COL15A1: variants seen among roughly 807,000 people sequenced by gnomAD.
COL15A1 encodes the protein collagen alpha-1(XV) chain.
COL15A1 carries 111 observed loss-of-function variants against 165.9 expected under a neutral mutation model. That is an observed-to-expected ratio of 0.67 (90% confidence interval 0.57 to 0.78). COL15A1 has a LOEUF of 0.78. Ranked by LOEUF, COL15A1 falls within the 30% of genes least tolerant of loss-of-function variation. The probability of loss-of-function intolerance (pLI) is 0.00; values close to 1 mark genes in which losing one functional copy is unlikely to be tolerated. For synonymous variants in COL15A1, 659 were observed against 674.8 expected (o/e 0.98, Z 0.36); for missense variants, 1,745 against 1,789.7 (o/e 0.98, Z 0.45).
chr9:99,001,422 C>G (rs1201271881), intron 7 of COL15A1, among the ~76,000 whole-genome samples: 1 of 152,118 alleles, frequency 6.6e-6, no homozygotes, highest in Non-Finnish European at 1.5e-5. Flanking sequence ...TCACAATGGC[C>G]CCTGCTGAAA....
chr9:99,026,845 T>C (rs969812226), intron 16 of COL15A1, among the ~76,000 whole-genome samples: 6 of 152,198 alleles, frequency 3.9e-5, no homozygotes, highest in Non-Finnish European at 7.3e-5. Context: ...CCAGTGACAC[T>C]AAAGGTGTTA....
At chr9:99,031,511 G>A (rs1839212772) in intron 16 of COL15A1, among the ~76,000 whole-genome samples, 1 of 152,216 alleles carries the variant, frequency 6.6e-6, no homozygotes, top group Non-Finnish European at 1.5e-5. Context: ...GAGAAAGGGG[G>A]AGATTGTTGC....
chr9:98,979,647 TTTA>T (rs55884863), intron 2 of COL15A1, among the ~76,000 whole-genome samples: 12 of 149,990 alleles, frequency 8.0e-5, no homozygotes, highest in East Asian at 2.0e-4. Flanking sequence ...AGGGATTATC[TTTA>T]TTATTATTAT....
At position 99,026,892 on chromosome 9, in the gene COL15A1, G is replaced by C. The variant is rs528172002; in HGVS notation, c.2043+926G>C. Among the ~76,000 whole-genome samples, 213 of 152,306 alleles carry C rather than the reference G, an allele frequency of 1.4e-3. 1 individual carries two copies. Among genetic ancestry groups the C allele is most frequent in the African/African-American group, 4.7e-3 (196 of 41,562 alleles). On this transcript the variant is annotated intron_variant, in intron 16 of 41. Coordinates refer to ENST00000375001, the MANE Select transcript of COL15A1 (RefSeq NM_001855.5). ...TGCTCCTCACCCCCACCCTGACATA[G>C]AGCATAGTACTGCCTCTCTCTCCTT...
intron 16 of COL15A1, among the ~76,000 whole-genome samples, chr9:99,027,356 C>T (rs1839143371): frequency 1.3e-5 from 2 of 152,184 alleles, no homozygotes; most frequent in African/African-American, 4.8e-5. Context: ...TCCGTCAGCT[C>T]TGGAGTATGT....
At chr9:99,011,556 TCCCTTCACTTTGTTTTATACATAA>T (rs1224779862) in intron 9 of COL15A1, among the ~76,000 whole-genome samples, 4 of 152,086 alleles carry the variant, frequency 2.6e-5, no homozygotes, top group African/African-American at 7.2e-5. Context: ...ATTTCCTGAT[TCCCTTCACTTTGTTTTATACATAA>T]CCTTTAAATA....
chr9:99,062,388 C>T (rs1259927048), intron 38 of COL15A1, 84 bp downstream of exon 38: 9 of 1,015,816 alleles, frequency 8.9e-6, no homozygotes, highest in Admixed American at 5.1e-5. Flanking sequence ...ACCAAGCTCT[C>T]CAAACTCTGG....
At chr9:98,948,549 G>C (rs1318508929) in intron 2 of COL15A1, among the ~76,000 whole-genome samples, 1 of 140,736 alleles carries the variant, frequency 7.1e-6, no homozygotes, top group Non-Finnish European at 1.5e-5. Context: ...AGTGAGCCAA[G>C]ATCGCGCCAC....
At chr9:98,952,015 A>T (rs1391406608) in intron 2 of COL15A1, among the ~76,000 whole-genome samples, 1 of 152,204 alleles carries the variant, frequency 6.6e-6, no homozygotes, top group Non-Finnish European at 1.5e-5. Flanking sequence ...ACCACTGATT[A>T]GTTGCCTGCA....
chr9:99,022,257 C>G, intron 13 of COL15A1, 107 bp downstream of exon 13: 1 of 1,410,432 alleles, frequency 7.1e-7, no homozygotes, highest in African/African-American at 1.4e-5. Context: ...AAGTATCTTG[C>G]AGTCAGACCC....
intron 9 of COL15A1, among the ~76,000 whole-genome samples, chr9:99,009,076 T>A (rs1038156024): frequency 1.3e-5 from 2 of 152,270 alleles, no homozygotes; most frequent in Admixed American, 1.3e-4. Context: ...CATGAACATT[T>A]CAGCTCTTCA....
At chr9:98,959,257 A>G (rs1837829439) in intron 2 of COL15A1, among the ~76,000 whole-genome samples, 1 of 151,472 alleles carries the variant, frequency 6.6e-6, no homozygotes, top group Non-Finnish European at 1.5e-5. Context: ...ACTAAAAACT[A>G]AAATGATCTG....
At chr9:99,031,336 C>T (rs1839210381) in intron 16 of COL15A1, among the ~76,000 whole-genome samples, 1 of 152,132 alleles carries the variant, frequency 6.6e-6, no homozygotes, top group African/African-American at 2.4e-5. Context: ...GGGACCCTTC[C>T]CATGCCCCAC....
chr9:98,990,357 C>G (rs1169761735), intron 5 of COL15A1, among the ~76,000 whole-genome samples: 3 of 152,156 alleles, frequency 2.0e-5, no homozygotes, highest in African/African-American at 7.2e-5. Context: ...AAAGTCCATC[C>G]CAAGGATGGC....
chr9:99,012,418 T>A (rs1022387484), intron 9 of COL15A1, among the ~76,000 whole-genome samples: 1 of 152,138 alleles, frequency 6.6e-6, no homozygotes, highest in Non-Finnish European at 1.5e-5. Flanking sequence ...CAAAAATAAA[T>A]GTCTGGATGC....
chr9:99,048,033 GT>G (rs1463662982), intron 28 of COL15A1, 33 bp downstream of exon 28: 11 of 1,252,674 alleles, frequency 8.8e-6, no homozygotes, highest in Non-Finnish European at 1.3e-5. Flanking sequence ...CCGGAGGTTG[GT>G]GTCCAGAGAG....
At chr9:99,045,527 C>A (rs182874186) in intron 26 of COL15A1, among the ~76,000 whole-genome samples, 1 of 152,322 alleles carries the variant, frequency 6.6e-6, no homozygotes, top group Admixed American at 6.5e-5. Flanking sequence ...CTCTCAAGGG[C>A]GAACCCTAAA....
intron 4 of COL15A1, among the ~76,000 whole-genome samples, chr9:98,987,591 C>T (rs534481383): frequency 6.6e-6 from 1 of 152,350 alleles, no homozygotes; most frequent in South Asian, 2.1e-4. Flanking sequence ...CAGGATCTTC[C>T]ATGGCTGTGG....
chr9:98,992,261 G>A (rs1201312813), intron 5 of COL15A1, among the ~76,000 whole-genome samples: 1 of 152,272 alleles, frequency 6.6e-6, no homozygotes, highest in Non-Finnish European at 1.5e-5. Flanking sequence ...CGGGAAGGCG[G>A]CTGAGGCCCA....
Sources: gnomAD v4.1 joint callset for allele counts (sites outside exome capture counted in the v4.1 genomes callset) on GRCh38, gnomAD v4.1.1 for gene constraint, MANE v1.5 for transcripts, NCBI Gene and HGNC (gene_info 2026-07-23, HGNC 2026-07-21) for gene names.